The following SUGCT variants were observed in gnomAD, a reference collection of about 807,000 sequenced individuals.
The protein encoded by SUGCT is succinyl-CoA:glutarate-CoA transferase, also known as succinyl-CoA:glutarate CoA-transferase.
Under a neutral mutation model 55.0 loss-of-function variants are expected in SUGCT, and 41 were observed. The observed-to-expected ratio is 0.74, with a 90% confidence interval of 0.58 to 0.97. The LOEUF (loss-of-function observed/expected upper bound fraction) is 0.97. Among genes scored for constraint, SUGCT ranks in the 50% least tolerant of loss-of-function variants. The pLI is 0.00. For synonymous variants in SUGCT, 187 were observed against 200.4 expected (o/e 0.93, Z 0.56); for missense variants, 568 against 547.8 (o/e 1.04, Z -0.37).
chr7:40,177,535 T>C (rs1784987641), intron 1 of SUGCT, among the ~76,000 whole-genome samples: 1 of 152,250 alleles, frequency 6.6e-6, no homozygotes, highest in Non-Finnish European at 1.5e-5. Flanking sequence ...ACAATTATTA[T>C]TCATACTCTG....
chr7:40,988,917 C>G, the SUGCT span, among the ~76,000 whole-genome samples: 2 of 151,386 alleles, frequency 1.3e-5, no homozygotes, highest in Non-Finnish European at 2.9e-5. Flanking sequence ...TGTTTGTTTT[C>G]TCCTCAGTAT....
At chr7:40,368,683 C>A (rs1381195308) in intron 9 of SUGCT, among the ~76,000 whole-genome samples, 2 of 152,140 alleles carry the variant, frequency 1.3e-5, no homozygotes, top group Admixed American at 1.3e-4. Context: ...CTGAACTAGG[C>A]ATGAAACCTC....
intron 10 of SUGCT, among the ~76,000 whole-genome samples, chr7:40,456,604 G>C (rs1460168549): frequency 6.6e-6 from 1 of 152,032 alleles, no homozygotes; most frequent in Non-Finnish European, 1.5e-5. Flanking sequence ...AGGGAAGAGG[G>C]AATCAGGGGA....
At chr7:40,912,241 G>A in the SUGCT span, among the ~76,000 whole-genome samples, 9 of 152,102 alleles carry the variant, frequency 5.9e-5, no homozygotes, top group South Asian at 1.4e-3. Flanking sequence ...CATTAGGCCT[G>A]TATTTTATGT....
intron 9 of SUGCT, among the ~76,000 whole-genome samples, chr7:40,399,002 T>A (rs1785913069): frequency 6.6e-6 from 1 of 152,182 alleles, no homozygotes. Context: ...ACATCTGACA[T>A]GTCTGATTGC....
intron 6 of SUGCT, among the ~76,000 whole-genome samples, chr7:40,205,317 C>A (rs1013007794): frequency 6.6e-6 from 1 of 151,556 alleles, no homozygotes; most frequent in Non-Finnish European, 1.5e-5. Flanking sequence ...TGGATTGGAA[C>A]ATGGATGAAG....
chr7:40,548,186 C>CTTTTTTTTTTTTTTTTTTTTT (rs1186226631), intron 12 of SUGCT, among the ~76,000 whole-genome samples: 12 of 104,988 alleles, frequency 1.1e-4, no homozygotes, highest in East Asian at 2.5e-4. Context: ...TTCTTTCTTT[C>CTTTTTTTTTTTTTTTTTTTTT]TTTTTTTTTT....
At chr7:40,317,205 G>A (rs1177751396) in intron 9 of SUGCT, among the ~76,000 whole-genome samples, 1 of 151,632 alleles carries the variant, frequency 6.6e-6, no homozygotes, top group Non-Finnish European at 1.5e-5. Context: ...AACCATGTCA[G>A]TTACAAAACA....
In SUGCT at chr7:40,620,471, T is replaced by G. The variant is rs147638020; in HGVS notation, c.1089+124085T>G. On this transcript the variant is annotated intron_variant, in intron 12 of 13. Transcript: ENST00000335693. ...TAGGCTGGAGTGCAACAGCGATCTC[T>G]GCTCACTGCAACCTCTGCCTCCTGG... is the stretch of plus-strand genomic sequence containing the variant. 2.7e-3 allele frequency among the ~76,000 whole-genome samples: 414 copies of G among 152,168 alleles called. 3 individuals carry two copies. Among genetic ancestry groups the G allele is most frequent in the African/African-American group, 9.5e-3 (393 of 41,524 alleles).
At chr7:40,777,971 T>C (rs1384529540) in intron 13 of SUGCT, among the ~76,000 whole-genome samples, 2 of 152,162 alleles carry the variant, frequency 1.3e-5, no homozygotes, top group African/African-American at 4.8e-5. Context: ...CCTCAGCATA[T>C]GCTTAGCCTA....
chr7:40,579,965 A>ACAGTTATCTCTTT (rs1169718430), intron 12 of SUGCT, among the ~76,000 whole-genome samples: 19 of 152,204 alleles, frequency 1.2e-4, no homozygotes, highest in Non-Finnish European at 2.6e-4. Flanking sequence ...TTAAAGAGAT[A>ACAGTTATCTCTTT]ACTGTAAAGT....
At chr7:40,601,071 T>C (rs1798268898) in intron 12 of SUGCT, among the ~76,000 whole-genome samples, 1 of 152,220 alleles carries the variant, frequency 6.6e-6, no homozygotes, top group Admixed American at 6.5e-5. Flanking sequence ...CCCATATTTA[T>C]ATGAAGTTCA....
chr7:40,948,433 CATGATG>C, the SUGCT span, among the ~76,000 whole-genome samples: 3,221 of 149,070 alleles, frequency 0.022, 91 homozygotes, highest in African/African-American at 0.067. Context: ...CCCTGAAAAA[CATGATG>C]ATGATGATGA....
At chr7:40,456,546 A>C (rs1467947975) in intron 10 of SUGCT, among the ~76,000 whole-genome samples, 1 of 152,146 alleles carries the variant, frequency 6.6e-6, no homozygotes, top group Non-Finnish European at 1.5e-5. Flanking sequence ...TGGAGTAATA[A>C]ACATAATAAA....
intron 9 of SUGCT, among the ~76,000 whole-genome samples, chr7:40,351,583 A>G (rs1797635843): frequency 6.6e-6 from 1 of 152,182 alleles, no homozygotes; most frequent in Non-Finnish European, 1.5e-5. Context: ...TGGGTTAGGT[A>G]ATAACTGTGA....
At position 40,624,181 on chromosome 7, in the gene SUGCT, G is replaced by T. The variant is rs530869394; in HGVS notation, c.1090-125253G>T. Among the ~76,000 whole-genome samples the T allele has an allele frequency of 1.1e-4, 16 of 152,236 alleles. 1 individual carries two copies. The South Asian group carries it at 3.3e-3, about 32-fold the overall frequency. ...TCCATCTCCTCCCAGTCCACATGGG[G>T]CTGAGACAGAGCACCCACCTCAGGC... On this transcript the variant is annotated intron_variant, in intron 12 of 13. Coordinates refer to ENST00000335693, the MANE Select transcript of SUGCT (RefSeq NM_001193313.2).
At chr7:40,944,979 C>T in the SUGCT span, among the ~76,000 whole-genome samples, 1 of 152,032 alleles carries the variant, frequency 6.6e-6, no homozygotes, top group Non-Finnish European at 1.5e-5. Flanking sequence ...TGGTAGAGGT[C>T]TCTTGAGGCT....
intron 12 of SUGCT, among the ~76,000 whole-genome samples, chr7:40,706,335 T>C (rs1180706213): frequency 3.3e-5 from 5 of 152,040 alleles, no homozygotes; most frequent in African/African-American, 1.2e-4. Flanking sequence ...GGCAAAACCC[T>C]GTCTCTACTA....
At chr7:40,518,831 C>T (rs1793384404) in intron 12 of SUGCT, among the ~76,000 whole-genome samples, 1 of 151,848 alleles carries the variant, frequency 6.6e-6, no homozygotes. Flanking sequence ...TCAAATTTCA[C>T]AAAAGATAAT....
Sources: gnomAD v4.1 joint callset for allele counts (sites outside exome capture counted in the v4.1 genomes callset) on GRCh38, gnomAD v4.1.1 for gene constraint, MANE v1.5 for transcripts, NCBI Gene and HGNC (gene_info 2026-07-23, HGNC 2026-07-21) for gene names.